PARP6: variants seen among roughly 807,000 people sequenced by gnomAD.
PARP6 encodes protein mono-ADP-ribosyltransferase PARP6.
PARP6 carries 27 observed loss-of-function variants against 92.0 expected under a neutral mutation model. That is an observed-to-expected ratio of 0.29 (90% CI 0.22 to 0.40). The LOEUF (loss-of-function observed/expected upper bound fraction) is 0.40. Ranked by LOEUF, PARP6 falls within the 10% of genes least tolerant of loss-of-function variation. The pLI is 1.00. For missense variants in PARP6, 501 were observed against 784.5 expected (o/e 0.64, Z 4.32); for synonymous variants, 272 against 281.2 (o/e 0.97, Z 0.33).
chr15:72,253,592 A>G (rs1054668967), intron 15 of PARP6, 88 bp from the exon 16 acceptor site: 1 of 1,074,760 alleles, frequency 9.3e-7, no homozygotes, highest in Admixed American at 2.0e-5. Flanking sequence ...ATTAGGGTCC[A>G]GGGCAAGGTA....
In PARP6 at chr15:72,242,237, C is replaced by A. The variant is rs765693706; in HGVS notation, c.1642-17G>T. 1.2e-5 allele frequency: 20 copies of A among 1,610,170 alleles called. No homozygotes were observed. Among genetic ancestry groups the A allele is most frequent in the Non-Finnish European group, 1.6e-5 (19 of 1,176,630 alleles). The stretch of plus-strand genomic sequence containing the variant: ...GGATCGGGTCTGGAAGAGAAGGAGG[C>A]AAAGGAGACCAGAGCCAGGTAGATG... On this transcript the variant is annotated splice_polypyrimidine_tract_variant and intron_variant, in intron 21 of 23. Transcript: ENST00000569795. This position sits in a 1 kb window ranked among gnomAD's most constrained non-coding sequence, Gnocchi z 4.3.
chr15:72,243,777 G>C (rs1489050400), intron 20 of PARP6: 1 of 152,198 alleles, frequency 6.6e-6, no homozygotes, highest in Non-Finnish European at 1.5e-5. Flanking sequence ...GTGCCTGTGT[G>C]TGTCCACCAG....
chr15:72,251,586 C>T (rs1331133250), intron 16 of PARP6, among the ~76,000 whole-genome samples: 3 of 151,204 alleles, frequency 2.0e-5, no homozygotes, highest in Non-Finnish European at 4.4e-5. Flanking sequence ...AGGTCACCTA[C>T]AAAAAAAGAA....
At chr15:72,247,090 GT>G (rs2083712720) in intron 20 of PARP6, among the ~76,000 whole-genome samples, 19 of 151,934 alleles carry the variant, frequency 1.3e-4, no homozygotes, top group Admixed American at 1.2e-3. Flanking sequence ...ATCTTTTGTG[GT>G]TATATGTGCT....
chr15:72,265,814 C>T, intron 5 of PARP6, 83 bp downstream of exon 5: 2 of 900,960 alleles, frequency 2.2e-6, no homozygotes, highest in Middle Eastern at 2.1e-4. Context: ...CACTATCATA[C>T]CATAAAAAGA....
chr15:72,248,433 C>G (rs1013284578), intron 20 of PARP6, among the ~76,000 whole-genome samples: 6 of 152,016 alleles, frequency 3.9e-5, no homozygotes, highest in Non-Finnish European at 8.8e-5. Context: ...CCTCCGCCTC[C>G]CGGGTTCAAG....
At chr15:72,264,675 G>C (rs2086336870) in intron 7 of PARP6, 54 bp from the exon 8 acceptor site, 9 of 1,418,754 alleles carry the variant, frequency 6.3e-6, no homozygotes, top group Non-Finnish European at 8.9e-6. Context: ...TCTTCCTGGA[G>C]TCCAAAGCTC....
At chr15:72,251,018 G>C (rs1389510614) in intron 17 of PARP6, 64 bp from the exon 18 acceptor site, 3 of 1,272,968 alleles carry the variant, frequency 2.4e-6, no homozygotes, top group Middle Eastern at 1.8e-4. Flanking sequence ...GGGAGGGAAG[G>C]GTTGGGGATA....
intron 12 of PARP6, 57 bp downstream of exon 12, chr15:72,257,980 G>T: frequency 8.6e-7 from 1 of 1,159,328 alleles, no homozygotes; most frequent in Non-Finnish European, 1.3e-6. Context: ...AGGAAATAAA[G>T]GAGAGGAGTG....
At chr15:72,266,221 T>C (rs1351880460) in intron 4 of PARP6, among the ~76,000 whole-genome samples, 2 of 152,192 alleles carry the variant, frequency 1.3e-5, no homozygotes, top group Admixed American at 6.5e-5. Context: ...GCAGACCAAA[T>C]GTAGGCTTTT....
At chr15:72,259,220 G>C (rs1041553258) in intron 11 of PARP6, among the ~76,000 whole-genome samples, 3 of 152,200 alleles carry the variant, frequency 2.0e-5, no homozygotes, top group Non-Finnish European at 2.9e-5. Flanking sequence ...GGAATAAAGA[G>C]ATTTTAAAAA....
chr15:72,266,914 C>T lies in PARP6; in HGVS notation c.4-92G>A, dbSNP rs554303584. On this transcript the variant is annotated intron_variant, in intron 3 of 23. Transcript: ENST00000569795. Reference sequence around the variant, plus strand: ...TGATATGGTGAGGAACAGATTCCCACAAAGATTGGGAAATATAGAATAACT... The same window carrying T: ...TGATATGGTGAGGAACAGATTCCCATAAAGATTGGGAAATATAGAATAACT... 4.3e-6 allele frequency: 4 copies of T among 941,060 alleles called. No homozygotes were observed. In the East Asian group the frequency reaches 7.2e-5, roughly 17 times the overall value. 58.3% of individuals were successfully genotyped at this position (941,060 alleles called of 1,614,324 possible). A position where few individuals can be genotyped will look rare whatever the true frequency, so the allele number is the denominator to read the frequency against.
At chr15:72,266,066 A>G (rs1003352362) in intron 4 of PARP6, 75 bp from the exon 5 acceptor site, 1 of 997,326 alleles carries the variant, frequency 1.0e-6, no homozygotes. Flanking sequence ...TAAAAAGAAT[A>G]TGAAAAGACA....
In PARP6 at chr15:72,257,279, G is replaced by C; in HGVS notation, c.999+69C>G. 9 of 1,101,144 alleles carry C rather than the reference G, an allele frequency of 8.2e-6. 1 individual carries two copies. In the South Asian group the frequency reaches 1.1e-4, roughly 14 times the overall value. 68.2% of individuals were successfully genotyped at this position (1,101,144 alleles called of 1,614,324 possible). Reference sequence around the variant, plus strand: ...AGCATTTTTGGAAGTTAAATTCCAAGAATGAAATTGCTGGGTTCCTCTGTC... The same window carrying C: ...AGCATTTTTGGAAGTTAAATTCCAACAATGAAATTGCTGGGTTCCTCTGTC... On this transcript the variant is annotated intron_variant, in intron 13 of 23. Coordinates refer to ENST00000569795, the MANE Select transcript of PARP6 (RefSeq NM_001323532.2).
In PARP6 at chr15:72,261,642, T is replaced by C. The variant is rs976919532; in HGVS notation, c.461A>G (p.Gln154Arg). Reference protein sequence around the residue: ...HLSNDFLKTQQEKRHSWFKAS... With the variant: ...HLSNDFLKTQREKRHSWFKAS... Reference sequence around the variant, plus strand: ...CTTGAACCAACTGTGCCTCTTCTCCTGCTGGGTCTTCAAGAAATCATTGCT... The same window carrying C: ...CTTGAACCAACTGTGCCTCTTCTCCCGCTGGGTCTTCAAGAAATCATTGCT... The change falls in exon 9 of 24, where the codon CAG becomes CGG. Residue 154 changes from glutamine to arginine, a missense_variant. This residue lies in a region of PARP6 where 291 missense variants were observed against 352.0 expected (regional missense o/e 0.83). Transcript: ENST00000569795. 11 of 1,614,066 alleles carry C rather than the reference T, an allele frequency of 6.8e-6. No individual in the cohort carries two copies. The highest frequency in any genetic ancestry group is 9.3e-6 in the Non-Finnish European group (11 of 1,179,928).
rs2087085226 is a variant in PARP6 at position 72,269,575 on chromosome 15, TCA to T, written c.-195+1446_-195+1447del. ...AGGAACTTGTTAGAAATGCAAATTC[TCA>T]GACTCCTCCTAAGACCTACTGAATT... On this transcript the variant is annotated intron_variant, in intron 2 of 23. Transcript: ENST00000569795. 1.3e-5 allele frequency among the ~76,000 whole-genome samples: 2 copies of T among 152,078 alleles called. 1 individual carries two copies. The highest frequency in any genetic ancestry group is 4.1e-4 in the South Asian group (2 of 4,830).
intron 2 of PARP6, 85 bp from the exon 3 acceptor site, chr15:72,267,756 A>G (rs1215854811): frequency 1.6e-5 from 6 of 383,510 alleles, no homozygotes; most frequent in African/African-American, 2.1e-5. Context: ...TTATCAATAC[A>G]CTTTTTTTTT....
intron 8 of PARP6, among the ~76,000 whole-genome samples, chr15:72,263,224 C>T (rs1422386801): frequency 6.6e-6 from 1 of 152,202 alleles, no homozygotes; most frequent in Admixed American, 6.5e-5. Flanking sequence ...TTCCACTACT[C>T]TTTGGCCCTT....
chr15:72,267,944 G>C (rs1307162898), intron 2 of PARP6, among the ~76,000 whole-genome samples: 1 of 152,148 alleles, frequency 6.6e-6, no homozygotes, highest in African/African-American at 2.4e-5. Context: ...TAGAGATGGG[G>C]TTTCACCACA....
Sources: allele counts gnomAD v4.1 joint callset (sites outside exome capture counted in the v4.1 genomes callset), GRCh38; gene constraint gnomAD v4.1.1; regional missense constraint gnomAD v4.1.1; non-coding constraint Gnocchi (gnomAD v3.1); transcripts MANE v1.5; gene names NCBI Gene and HGNC (gene_info 2026-07-23, HGNC 2026-07-21).